The following ANTXR2 variants were observed in gnomAD, a reference collection of about 807,000 sequenced individuals.
ANTXR2 encodes the protein ANTXR cell adhesion molecule 2, also known as anthrax toxin receptor 2.
Under a neutral mutation model 73.7 loss-of-function variants are expected in ANTXR2, and 44 were observed. The observed-to-expected ratio is 0.60, with a 90% CI of 0.47 to 0.77. The LOEUF (loss-of-function observed/expected upper bound fraction) is 0.77. ANTXR2 is among the 30% of genes least tolerant of loss of function. The pLI, the probability that ANTXR2 is intolerant of heterozygous loss-of-function variation, is 0.00. For missense variants in ANTXR2, 604 were observed against 592.5 expected (o/e 1.02, Z -0.20); for synonymous variants, 217 against 205.9 (o/e 1.05, Z -0.46).
Position 79,957,765 on chromosome 4 carries a change from T to A in ANTXR2, c.1428+19856A>T, listed in dbSNP as rs1465112633. ...TCATAAACAATATGGTTAGTTGCAA[T>A]TTCACATTGAAAAATATCACAGAAT... On this transcript the variant is annotated intron_variant, in intron 16 of 16. Transcript: ENST00000403729. Among the ~76,000 whole-genome samples the A allele has an allele frequency of 2.0e-5, 3 of 152,024 alleles. No individual in the cohort carries two copies. In the East Asian group the frequency reaches 5.8e-4, roughly 29 times the overall value.
intron 7 of ANTXR2, among the ~76,000 whole-genome samples, chr4:80,053,467 A>G (rs1381835840): frequency 6.6e-6 from 1 of 151,760 alleles, no homozygotes; most frequent in Admixed American, 6.6e-5. Context: ...CTTTAAAGAG[A>G]AATTTAAAAT....
At chr4:80,010,314 A>G (rs141910721) in intron 11 of ANTXR2, among the ~76,000 whole-genome samples, 178 of 152,328 alleles carry the variant, frequency 1.2e-3, no homozygotes, top group Non-Finnish European at 2.1e-3. Flanking sequence ...ACGCATGGAA[A>G]ACTGTGGTAC....
intron 16 of ANTXR2, among the ~76,000 whole-genome samples, chr4:79,932,820 T>A (rs1163799510): frequency 3.9e-4 from 43 of 109,706 alleles, no homozygotes; most frequent in African/African-American, 6.0e-4. Flanking sequence ...AAAAAAAAAA[T>A]TAGCATGTGA....
intron 12 of ANTXR2, among the ~76,000 whole-genome samples, chr4:79,986,745 T>G (rs1730183787): frequency 6.6e-6 from 1 of 152,072 alleles, no homozygotes; most frequent in South Asian, 2.1e-4. Context: ...ACAGCCCCCA[T>G]CAGAGTGTTT....
chr4:80,039,718 T>A (rs756305672), intron 7 of ANTXR2, among the ~76,000 whole-genome samples: 2 of 152,092 alleles, frequency 1.3e-5, no homozygotes, highest in South Asian at 4.1e-4. Flanking sequence ...GGAAAGCAGT[T>A]TGGAGATTTC....
intron 10 of ANTXR2, among the ~76,000 whole-genome samples, chr4:80,019,558 G>T (rs1252538647): frequency 6.6e-6 from 1 of 152,034 alleles, no homozygotes; most frequent in Non-Finnish European, 1.5e-5. Context: ...GTTGTTTCAG[G>T]TTCACAAAAA....
At chr4:79,930,492 C>T (rs1728015691) in intron 16 of ANTXR2, among the ~76,000 whole-genome samples, 1 of 152,204 alleles carries the variant, frequency 6.6e-6, no homozygotes, top group Admixed American at 6.5e-5. Flanking sequence ...TCTGCACATG[C>T]TTTCATGCTG....
At chr4:80,071,403 T>C (rs557449239) in intron 2 of ANTXR2, among the ~76,000 whole-genome samples, 180 bp downstream of exon 2, 6 of 152,308 alleles carry the variant, frequency 3.9e-5, no homozygotes, top group Non-Finnish European at 7.4e-5. Context: ...GGGATCCAGA[T>C]GAAATAAGCC....
intron 3 of ANTXR2, among the ~76,000 whole-genome samples, chr4:80,061,151 T>C (rs1434792191): frequency 6.6e-6 from 1 of 152,164 alleles, no homozygotes; most frequent in South Asian, 2.1e-4. Flanking sequence ...GAAACTACCA[T>C]GCCTTAATAA....
At chr4:80,054,934 CCAAA>C (rs1214231644) in intron 6 of ANTXR2, among the ~76,000 whole-genome samples, 15 of 151,532 alleles carry the variant, frequency 9.9e-5, no homozygotes, top group African/African-American at 2.7e-4. Flanking sequence ...GTTTACCAAA[CCAAA>C]CAATTGAGAG....
intron 3 of ANTXR2, among the ~76,000 whole-genome samples, chr4:80,064,410 T>A (rs1044810454): frequency 6.6e-6 from 1 of 152,224 alleles, no homozygotes; most frequent in Non-Finnish European, 1.5e-5. Flanking sequence ...ATCAGCTCAA[T>A]CACTCATTCA....
intron 10 of ANTXR2, 119 bp from the exon 11 acceptor site, chr4:80,019,095 A>C: frequency 6.1e-6 from 4 of 658,104 alleles, no homozygotes; most frequent in Non-Finnish European, 7.1e-6. Flanking sequence ...TAAGGGTCTC[A>C]AACTCCTGAC....
intron 16 of ANTXR2, among the ~76,000 whole-genome samples, chr4:79,926,538 T>G (rs1013250037): frequency 1.3e-5 from 2 of 152,144 alleles, no homozygotes; most frequent in Non-Finnish European, 2.9e-5. Context: ...TTGTAAAGAC[T>G]TGCATATTAA....
chr4:80,025,877 A>G (rs1041588108), intron 10 of ANTXR2, among the ~76,000 whole-genome samples: 5 of 152,224 alleles, frequency 3.3e-5, no homozygotes, highest in African/African-American at 1.2e-4. Flanking sequence ...TCTACATTTC[A>G]GAAGGAAAAA....
chr4:80,044,393 T>C (rs1187933118), intron 7 of ANTXR2, among the ~76,000 whole-genome samples: 1 of 151,982 alleles, frequency 6.6e-6, no homozygotes, highest in Admixed American at 6.6e-5. Context: ...CAATATCATG[T>C]CCTGAAAAAC....
intron 16 of ANTXR2, among the ~76,000 whole-genome samples, chr4:79,918,881 T>C (rs1560854457): frequency 6.6e-6 from 1 of 152,062 alleles, no homozygotes; most frequent in Non-Finnish European, 1.5e-5. Flanking sequence ...AGTAGTAGAA[T>C]ACATGACAAG....
chr4:79,978,212 A>G, intron 14 of ANTXR2, 38 bp from the exon 15 acceptor site: 3 of 1,592,226 alleles, frequency 1.9e-6, no homozygotes, highest in Non-Finnish European at 2.6e-6. Flanking sequence ...TCAGACATAA[A>G]GTGTCCTAGA....
intron 16 of ANTXR2, among the ~76,000 whole-genome samples, chr4:79,919,865 TTATATATATATATATATATATATATATA>T (rs869257072): frequency 2.2e-4 from 4 of 17,850 alleles, no homozygotes; most frequent in Non-Finnish European, 4.2e-4. Context: ...AATACATATT[TTATATATATATATATATATATATATATA>T]TATATATATA....
chr4:79,949,324 G>T (rs1210849123), intron 16 of ANTXR2, among the ~76,000 whole-genome samples: 1 of 152,064 alleles, frequency 6.6e-6, no homozygotes, highest in Non-Finnish European at 1.5e-5. Flanking sequence ...GCAAGACATT[G>T]AACACTAAAC....
Sources: allele counts gnomAD v4.1 joint callset (sites outside exome capture counted in the v4.1 genomes callset), GRCh38; gene constraint gnomAD v4.1.1; transcripts MANE v1.5; gene names NCBI Gene and HGNC (gene_info 2026-07-23, HGNC 2026-07-21).